Variants in GMDS observed in about 807,000 individuals in gnomAD.
The protein encoded by GMDS is GDP-mannose 4,6-dehydratase, also known as GDP-mannose 4,6 dehydratase.
GMDS carries 20 observed loss-of-function variants against 49.9 expected under a neutral mutation model. The ratio of observed to expected loss-of-function variants is 0.40; its 90% confidence interval spans 0.28 to 0.58. GMDS has a LOEUF of 0.58. Ranked by LOEUF, GMDS falls within the 20% of genes least tolerant of loss-of-function variation. GMDS has a pLI of 0.42. For synonymous variants in GMDS, 177 were observed against 178.6 expected (o/e 0.99, Z 0.07); for missense variants, 362 against 481.4 (o/e 0.75, Z 2.32).
intron 9 of GMDS, among the ~76,000 whole-genome samples, chr6:1,691,122 A>AT (rs1305160099): frequency 3.3e-5 from 5 of 152,268 alleles, no homozygotes; most frequent in African/African-American, 1.2e-4. Context: ...ATGCTAATCA[A>AT]TGATAGACTG....
intron 1 of GMDS, among the ~76,000 whole-genome samples, chr6:2,241,137 C>A (rs946306055): frequency 1.3e-5 from 2 of 152,148 alleles, no homozygotes; most frequent in South Asian, 2.1e-4. Context: ...GAGACAGGCC[C>A]GGGGCACAGC....
chr6:1,831,786 C>G (rs1363728206), intron 7 of GMDS, among the ~76,000 whole-genome samples: 1 of 152,060 alleles, frequency 6.6e-6, no homozygotes, highest in African/African-American at 2.4e-5. Flanking sequence ...GATGTTCAAT[C>G]CCTGGTAGCC....
chr6:1,958,283 A>C (rs1763751769), intron 6 of GMDS, among the ~76,000 whole-genome samples: 1 of 152,058 alleles, frequency 6.6e-6, no homozygotes, highest in Non-Finnish European at 1.5e-5. Context: ...ATTCACAACA[A>C]TTAACTTTTA....
intron 2 of GMDS, among the ~76,000 whole-genome samples, chr6:2,118,733 T>C (rs900898599): frequency 1.1e-4 from 16 of 152,210 alleles, no homozygotes; most frequent in African/African-American, 3.9e-4. Context: ...CAAGAAAAGT[T>C]GGTAAACACG....
chr6:1,908,688 G>A (rs1581341910), intron 7 of GMDS, among the ~76,000 whole-genome samples: 1 of 152,198 alleles, frequency 6.6e-6, no homozygotes, highest in Non-Finnish European at 1.5e-5. Context: ...GGCAGGAACT[G>A]CTGCTCGAAG....
At chr6:1,672,193 G>A (rs982268415) in intron 9 of GMDS, among the ~76,000 whole-genome samples, 8 of 152,292 alleles carry the variant, frequency 5.3e-5, no homozygotes, top group East Asian at 1.9e-4. Flanking sequence ...CATTTGAGAC[G>A]TCTGACAAAC....
At position 1,838,063 on chromosome 6, in the gene GMDS, C is replaced by G. The variant is rs189132858; in HGVS notation, c.771+92040G>C. On this transcript the variant is annotated intron_variant, in intron 7 of 10. Transcript: ENST00000380815. ...ATTTTATGCTATTGGTGCAAACCTCCCACGAGTTGAACTTAAAGGAATGTT... is the reference window on the plus strand; with the variant it reads ...ATTTTATGCTATTGGTGCAAACCTCGCACGAGTTGAACTTAAAGGAATGTT... 3.5e-4 allele frequency among the ~76,000 whole-genome samples: 54 copies of G among 152,260 alleles called. 1 individual carries two copies. The highest frequency in any genetic ancestry group is 1.3e-3 in the African/African-American group (54 of 41,550).
chr6:2,125,892 T>C (rs925853158), intron 1 of GMDS, among the ~76,000 whole-genome samples: 1 of 152,200 alleles, frequency 6.6e-6, no homozygotes, highest in African/African-American at 2.4e-5. Context: ...AAATGAACTT[T>C]TAAAAAAAGA....
intron 7 of GMDS, among the ~76,000 whole-genome samples, chr6:1,775,576 A>C (rs1334033787): frequency 6.6e-6 from 1 of 152,200 alleles, no homozygotes. Context: ...CATGTTTAGC[A>C]GGGGTCAAAA....
At chr6:2,024,507 G>A (rs1415219284) in intron 4 of GMDS, among the ~76,000 whole-genome samples, 1 of 152,096 alleles carries the variant, frequency 6.6e-6, no homozygotes, top group Non-Finnish European at 1.5e-5. Context: ...CGAAACATGG[G>A]AAGTAGCAGT....
chr6:2,018,518 A>G (rs923886568), intron 4 of GMDS, among the ~76,000 whole-genome samples: 2 of 152,158 alleles, frequency 1.3e-5, no homozygotes, highest in Non-Finnish European at 2.9e-5. Context: ...CCTCAACCCT[A>G]GACAACCACT....
chr6:2,207,279 G>A (rs1779848574), intron 1 of GMDS, among the ~76,000 whole-genome samples: 1 of 151,918 alleles, frequency 6.6e-6, no homozygotes. Context: ...CAGAAAAGCA[G>A]AAGGTAAAGG....
At chr6:1,730,409 G>C (rs1287450167) in intron 8 of GMDS, among the ~76,000 whole-genome samples, 2 of 152,220 alleles carry the variant, frequency 1.3e-5, no homozygotes, top group African/African-American at 4.8e-5. Context: ...TGGGAGAGCT[G>C]AGAATGGCCC....
At chr6:1,632,723 T>A (rs565526057) in intron 9 of GMDS, among the ~76,000 whole-genome samples, 2 of 151,954 alleles carry the variant, frequency 1.3e-5, no homozygotes, top group Non-Finnish European at 2.9e-5. Flanking sequence ...CAAAAAACTT[T>A]AAAAAATTAG....
chr6:1,715,192 T>C (rs542826668), intron 9 of GMDS, among the ~76,000 whole-genome samples: 21 of 152,332 alleles, frequency 1.4e-4, no homozygotes, highest in South Asian at 1.0e-3. Context: ...TTTTCAAAGG[T>C]TGGATATACA....
At chr6:1,742,659 A>C in intron 7 of GMDS, 73 bp from the exon 8 acceptor site, 2 of 797,322 alleles carry the variant, frequency 2.5e-6, no homozygotes, top group East Asian at 2.5e-5. Context: ...AGTGCACATA[A>C]TCAGATATGG....
At chr6:1,834,465 C>T (rs759210555) in intron 7 of GMDS, among the ~76,000 whole-genome samples, 3 of 152,098 alleles carry the variant, frequency 2.0e-5, no homozygotes, top group African/African-American at 7.2e-5. Flanking sequence ...TAGCGCTTGA[C>T]ATCTATGGGG....
chr6:1,699,031 G>T (rs1428933640), intron 9 of GMDS, among the ~76,000 whole-genome samples: 2 of 152,102 alleles, frequency 1.3e-5, no homozygotes, highest in African/African-American at 4.8e-5. Flanking sequence ...AAAGTGTCAT[G>T]AACACATAGG....
At chr6:1,866,072 C>A (rs1758428705) in intron 7 of GMDS, among the ~76,000 whole-genome samples, 1 of 152,092 alleles carries the variant, frequency 6.6e-6, no homozygotes, top group Non-Finnish European at 1.5e-5. Context: ...TGCCCTTTAC[C>A]CACCACCTCT....
Sources: gnomAD v4.1 joint callset for allele counts (sites outside exome capture counted in the v4.1 genomes callset) on GRCh38, gnomAD v4.1.1 for gene constraint, MANE v1.5 for transcripts, NCBI Gene and HGNC (gene_info 2026-07-23, HGNC 2026-07-21) for gene names.